The following CSMD3 variants were observed in gnomAD, a reference collection of about 807,000 sequenced individuals.
CSMD3 encodes CUB and Sushi multiple domains 3, also known as CUB and sushi domain-containing protein 3.
In CSMD3, 177 loss-of-function variants were observed where a neutral mutation model predicts 435.2. That is an observed-to-expected ratio of 0.41 (90% CI 0.36 to 0.46). CSMD3 has a LOEUF of 0.46. Ranked by LOEUF, CSMD3 falls within the 20% of genes least tolerant of loss-of-function variation. The pLI, the probability that CSMD3 is intolerant of heterozygous loss-of-function variation, is 0.34. For missense variants in CSMD3, 4,265 were observed against 4,504.6 expected, an observed-to-expected ratio of 0.95 and a Z score of 1.52; for synonymous variants, 1,656 against 1,520.5, an observed-to-expected ratio of 1.09 and a Z score of -2.07.
chr8:112,579,331 G>A (rs1332750801), intron 23 of CSMD3, among the ~76,000 whole-genome samples: 1 of 151,978 alleles, frequency 6.6e-6, no homozygotes, highest in Non-Finnish European at 1.5e-5. Flanking sequence ...TGTAGCATTT[G>A]CCAATTTCTA....
intron 10 of CSMD3, among the ~76,000 whole-genome samples, chr8:112,899,477 C>A (rs2082040098): frequency 1.4e-5 from 2 of 145,994 alleles, no homozygotes; most frequent in African/African-American, 2.5e-5. Context: ...TTTTAATATT[C>A]TAAAGCATTC....
chr8:113,430,777 G>C (rs1321191391), intron 1 of CSMD3, among the ~76,000 whole-genome samples: 1 of 152,120 alleles, frequency 6.6e-6, no homozygotes, highest in Non-Finnish European at 1.5e-5. Flanking sequence ...TCCAAGCACA[G>C]GTATATAATA....
At chr8:112,235,731 A>C (rs1294323182) in intron 67 of CSMD3, among the ~76,000 whole-genome samples, 1 of 152,140 alleles carries the variant, frequency 6.6e-6, no homozygotes, top group Non-Finnish European at 1.5e-5. Context: ...TGAAAAGATA[A>C]TGAGACATAG....
At chr8:113,201,290 T>C (rs987731061) in intron 3 of CSMD3, among the ~76,000 whole-genome samples, 1 of 152,006 alleles carries the variant, frequency 6.6e-6, no homozygotes, top group African/African-American at 2.4e-5. Context: ...TGGTTCCCTG[T>C]ATTTTATAAT....
intron 17 of CSMD3, among the ~76,000 whole-genome samples, chr8:112,657,191 T>C (rs6992316): frequency 0.16 from 24,834 of 151,396 alleles, 2,139 homozygotes; most frequent in Middle Eastern, 0.37. Context: ...GCCTTCTGAG[T>C]AGCTGGAATT....
intron 38 of CSMD3, among the ~76,000 whole-genome samples, chr8:112,375,501 A>G (rs1402316513): frequency 6.6e-6 from 1 of 152,116 alleles, no homozygotes; most frequent in African/African-American, 2.4e-5. Context: ...CAAACTTGCA[A>G]TTCTCTGTTC....
intron 7 of CSMD3, among the ~76,000 whole-genome samples, chr8:112,955,603 T>C (rs2083987026): frequency 6.6e-6 from 1 of 151,950 alleles, no homozygotes. Flanking sequence ...TGCTAGAACT[T>C]ATGTCTTCTT....
At chr8:113,294,179 T>A (rs2093704098) in intron 2 of CSMD3, among the ~76,000 whole-genome samples, 2 of 152,058 alleles carry the variant, frequency 1.3e-5, no homozygotes, top group South Asian at 4.1e-4. Flanking sequence ...CATGAAACTA[T>A]CTTGAAAAGG....
intron 11 of CSMD3, among the ~76,000 whole-genome samples, chr8:112,840,870 T>C (rs1200915170): frequency 6.6e-6 from 1 of 151,762 alleles, no homozygotes; most frequent in East Asian, 1.9e-4. Flanking sequence ...ACTTATTTAA[T>C]TGTATACACA....
chr8:112,925,035 T>C (rs2082867757), intron 9 of CSMD3, among the ~76,000 whole-genome samples: 1 of 152,154 alleles, frequency 6.6e-6, no homozygotes, highest in Non-Finnish European at 1.5e-5. Context: ...TAAAATTTCA[T>C]GTCATAATTA....
chr8:112,472,129 G>C (rs957243156), intron 32 of CSMD3, among the ~76,000 whole-genome samples: 1 of 152,128 alleles, frequency 6.6e-6, no homozygotes, highest in Non-Finnish European at 1.5e-5. Context: ...CCAGAAACTA[G>C]ATGCTTAAAA....
chr8:112,778,341 C>A (rs995473248), intron 13 of CSMD3, among the ~76,000 whole-genome samples: 2 of 151,802 alleles, frequency 1.3e-5, no homozygotes, highest in African/African-American at 4.8e-5. Flanking sequence ...GCTTTACTGA[C>A]CTAAAAATCC....
intron 12 of CSMD3, among the ~76,000 whole-genome samples, chr8:112,821,488 G>A (rs1353746118): frequency 6.6e-6 from 1 of 151,722 alleles, no homozygotes; most frequent in Non-Finnish European, 1.5e-5. Context: ...CCCACTTTTT[G>A]ATGGGGTTGT....
intron 1 of CSMD3, among the ~76,000 whole-genome samples, chr8:113,403,411 T>C (rs1254531271): frequency 6.6e-6 from 1 of 151,314 alleles, no homozygotes; most frequent in Non-Finnish European, 1.5e-5. Context: ...AAAGAACCTC[T>C]AGTCTAAGAA....
rs2130275529 is a variant in CSMD3 at position 112,255,296 on chromosome 8, G to C, written c.9994C>G (p.Gln3332Glu). The change falls in exon 62 of 71, where the codon CAA (glutamine) becomes GAA (glutamate). Residue 3332 changes from glutamine to glutamate, a missense_variant. By Grantham distance (29) the Gln-to-Glu change is conservative. This residue lies in a region of CSMD3 where 3,255 missense variants were observed against 3,380.2 expected (regional missense o/e 0.96). Transcript: ENST00000297405. ...GAACCACTCCAAGTGCCATCTGCTT[G>C]ACATATTCTGGTGCTTGATCCCACT... Reference protein sequence around the residue: ...ILVGSSTRICQADGTWSGSSP... With the variant: ...ILVGSSTRICEADGTWSGSSP... 6.2e-7 allele frequency: 1 copy of C among 1,613,486 alleles called. No homozygotes were observed. The highest frequency in any genetic ancestry group is 1.3e-5 in the African/African-American group (1 of 74,964).
intron 32 of CSMD3, among the ~76,000 whole-genome samples, chr8:112,468,958 T>C (rs1182446426): frequency 6.6e-6 from 1 of 152,062 alleles, no homozygotes; most frequent in Non-Finnish European, 1.5e-5. Context: ...GTGATGCTCA[T>C]GAAAACATTA....
At chr8:112,260,390 T>C (rs1816266746) in intron 61 of CSMD3, among the ~76,000 whole-genome samples, 1 of 152,156 alleles carries the variant, frequency 6.6e-6, no homozygotes, top group South Asian at 2.1e-4. Context: ...CATTGTCTAT[T>C]AAAATGTCAT....
intron 35 of CSMD3, among the ~76,000 whole-genome samples, chr8:112,400,553 T>C (rs1370595711): frequency 2.0e-5 from 3 of 152,154 alleles, no homozygotes; most frequent in Non-Finnish European, 4.4e-5. Context: ...GACAGAGAGA[T>C]GGTGTGGGTT....
Position 112,714,080 on chromosome 8 carries a change from C to G in CSMD3, c.1973-24030G>C, listed in dbSNP as rs1039193949. On this transcript the variant is annotated intron_variant, in intron 13 of 70. Transcript: ENST00000297405. ...CAAATTCCCACATAATAATATTAAC[C>G]TTAAATGTAAATGAGCTAAATGCCT... 3.9e-5 allele frequency among the ~76,000 whole-genome samples: 6 copies of G among 152,022 alleles called. No homozygotes were observed. In the East Asian group the frequency reaches 1.2e-3, roughly 29 times the overall value.
Sources: gnomAD v4.1 joint callset for allele counts (sites outside exome capture counted in the v4.1 genomes callset) on GRCh38, gnomAD v4.1.1 for gene constraint, gnomAD v4.1.1 regional missense constraint, MANE v1.5 for transcripts, NCBI Gene and HGNC (gene_info 2026-07-23, HGNC 2026-07-21) for gene names.